Variants in PLEKHG1 observed in about 807,000 individuals in gnomAD.
PLEKHG1 encodes the protein pleckstrin homology domain-containing family G member 1.
Under a neutral mutation model 100.8 loss-of-function variants are expected in PLEKHG1, and 44 were observed. The observed-to-expected ratio is 0.44, with a 90% CI of 0.34 to 0.56. PLEKHG1 has a LOEUF of 0.56. PLEKHG1 is among the 20% of genes least tolerant of loss of function. The pLI, the probability that PLEKHG1 is intolerant of heterozygous loss-of-function variation, is 0.01. For missense variants in PLEKHG1, 1,545 were observed against 1,720.9 expected, an observed-to-expected ratio of 0.90 and a Z score of 1.81; for synonymous variants, 640 against 662.5, an observed-to-expected ratio of 0.97 and a Z score of 0.52.
upstream of PLEKHG1, among the ~76,000 whole-genome samples, chr6:150,718,980 C>G (rs185320681): frequency 5.9e-5 from 9 of 152,000 alleles, no homozygotes; most frequent in Non-Finnish European, 1.0e-4. Context: ...TACTTTAAAT[C>G]TTTGATATTT....
chr6:150,801,075 G>A (rs981953150), intron 6 of PLEKHG1, among the ~76,000 whole-genome samples: 5 of 152,210 alleles, frequency 3.3e-5, no homozygotes, highest in African/African-American at 9.7e-5. Context: ...CAAGAGAAGA[G>A]ATTAATCTTA....
chr6:150,828,130 C>G, intron 14 of PLEKHG1: 1 of 1,613,464 alleles, frequency 6.2e-7, no homozygotes, highest in South Asian at 1.1e-5. Flanking sequence ...ACCTGCATAC[C>G]CAATTATACT....
chr6:150,674,678 T>TCTCC (rs1779692559), intron 3 of PLEKHG1, among the ~76,000 whole-genome samples: 1 of 138,568 alleles, frequency 7.2e-6, no homozygotes, highest in Non-Finnish European at 1.6e-5. Context: ...TCTCTCTCTC[T>TCTCC]CTCTCCCCCC....
At chr6:150,791,717 T>C (rs1197366761) in intron 4 of PLEKHG1, among the ~76,000 whole-genome samples, 1 of 151,520 alleles carries the variant, frequency 6.6e-6, no homozygotes, top group African/African-American at 2.4e-5. Flanking sequence ...TATGAATTTC[T>C]TTGTAGAATT....
rs117742611 is a variant in PLEKHG1, at chr6:150,789,935, C to T, written c.582+3476C>T. Among the ~76,000 whole-genome samples, 114 of 152,308 alleles carry T rather than the reference C, an allele frequency of 7.5e-4. 2 individuals are homozygous for T. The East Asian group carries it at 0.017, about 22-fold the overall frequency. On this transcript the variant is annotated intron_variant, in intron 4 of 15. Transcript: ENST00000358517. Reference sequence around the variant, plus strand: ...ATAGCAGTCGAGGTGTTTGCCTGGTCTCCTGGGGATGGTCATTGCCATGTG... The same window carrying T: ...ATAGCAGTCGAGGTGTTTGCCTGGTTTCCTGGGGATGGTCATTGCCATGTG...
chr6:150,811,386 C>T (rs1188026485), intron 10 of PLEKHG1, among the ~76,000 whole-genome samples: 3 of 151,554 alleles, frequency 2.0e-5, no homozygotes, highest in South Asian at 2.1e-4. Flanking sequence ...CCCACCACCT[C>T]AGCCTCCCAG....
At chr6:150,700,582 T>A (rs113630905) in intron 3 of PLEKHG1, among the ~76,000 whole-genome samples, 1 of 152,146 alleles carries the variant, frequency 6.6e-6, no homozygotes, top group South Asian at 2.1e-4. Context: ...CACCCCCAAG[T>A]CACATATTCG....
At chr6:150,721,879 A>G (rs1781690810) in intron 1 of PLEKHG1, among the ~76,000 whole-genome samples, 1 of 152,212 alleles carries the variant, frequency 6.6e-6, no homozygotes, top group African/African-American at 2.4e-5. Context: ...TATATTCAGC[A>G]TTCCTTAATC....
chr6:150,701,025 A>C (rs892599155), intron 3 of PLEKHG1, among the ~76,000 whole-genome samples: 1 of 151,490 alleles, frequency 6.6e-6, no homozygotes, highest in Non-Finnish European at 1.5e-5. Context: ...CTGGTGTTAA[A>C]ATTTTATATT....
intron 2 of PLEKHG1, among the ~76,000 whole-genome samples, chr6:150,744,859 G>T (rs1230814450): frequency 6.6e-6 from 1 of 152,114 alleles, no homozygotes; most frequent in Non-Finnish European, 1.5e-5. Context: ...TCCCAATCAG[G>T]CTTTGTAGGC....
chr6:150,783,040 G>A (rs538009901), intron 3 of PLEKHG1, among the ~76,000 whole-genome samples: 146 of 151,460 alleles, frequency 9.6e-4, no homozygotes, highest in African/African-American at 2.8e-3. Context: ...GATTTTGCAC[G>A]CATGAAATAA....
intron 3 of PLEKHG1, among the ~76,000 whole-genome samples, chr6:150,656,719 A>G (rs948685292): frequency 6.6e-6 from 1 of 152,222 alleles, no homozygotes; most frequent in Non-Finnish European, 1.5e-5. Context: ...ATAGTTTGGT[A>G]AATGCAGATT....
chr6:150,802,040 G>A (rs1012465157), intron 6 of PLEKHG1, among the ~76,000 whole-genome samples: 2 of 152,126 alleles, frequency 1.3e-5, no homozygotes, highest in South Asian at 4.1e-4. Context: ...TCCTCTCCAC[G>A]TCAACAGGCC....
At chr6:150,628,696 C>T (rs950582847) in intron 1 of PLEKHG1, among the ~76,000 whole-genome samples, 1 of 152,004 alleles carries the variant, frequency 6.6e-6, no homozygotes, top group Non-Finnish European at 1.5e-5. Context: ...ATATTCTGCC[C>T]GTACTATTAA....
intron 1 of PLEKHG1, among the ~76,000 whole-genome samples, chr6:150,624,219 C>A (rs1424493940): frequency 6.6e-6 from 1 of 152,156 alleles, no homozygotes; most frequent in African/African-American, 2.4e-5. Flanking sequence ...ATTCAAAGCC[C>A]TGTGCTCCAG....
At chr6:150,820,955 C>G (rs1264837156) in intron 12 of PLEKHG1, among the ~76,000 whole-genome samples, 2 of 152,126 alleles carry the variant, frequency 1.3e-5, no homozygotes, top group African/African-American at 4.8e-5. Flanking sequence ...CTGAAAAAGT[C>G]AGATTTTGCT....
chr6:150,744,709 T>G (rs1305931874), intron 2 of PLEKHG1, among the ~76,000 whole-genome samples: 1 of 152,198 alleles, frequency 6.6e-6, no homozygotes. Context: ...GTGACATCCC[T>G]CAGTGTCACC....
chr6:150,703,623 C>G (rs1234568719), intron 3 of PLEKHG1, among the ~76,000 whole-genome samples: 1 of 149,150 alleles, frequency 6.7e-6, no homozygotes, highest in African/African-American at 2.5e-5. Flanking sequence ...AACAAAACAA[C>G]TTTTTTCTAC....
chr6:150,610,580 A>G (rs907030236), intron 1 of PLEKHG1, among the ~76,000 whole-genome samples: 2 of 152,248 alleles, frequency 1.3e-5, no homozygotes, highest in African/African-American at 2.4e-5. Flanking sequence ...AGGAATAGCA[A>G]TTCTGAGTAG....
Sources: gnomAD v4.1 joint callset for allele counts (sites outside exome capture counted in the v4.1 genomes callset) on GRCh38, gnomAD v4.1.1 for gene constraint, MANE v1.5 for transcripts, NCBI Gene and HGNC (gene_info 2026-07-23, HGNC 2026-07-21) for gene names.